The following TMEM178B variants were observed in gnomAD, a reference collection of about 807,000 sequenced individuals.
TMEM178B encodes transmembrane protein 178B.
A neutral mutation model predicts 31.0 loss-of-function variants in TMEM178B; 5 were observed. The ratio of observed to expected loss-of-function variants is 0.16; its 90% CI spans 0.08 to 0.34. The LOEUF is 0.34. TMEM178B is among the 10% of genes least tolerant of loss of function. The pLI is 1.00. For missense variants in TMEM178B, 275 were observed against 400.3 expected (o/e 0.69, Z 2.67); for synonymous variants, 164 against 164.0 (o/e 1.00, Z 0.00).
intron 1 of TMEM178B, among the ~76,000 whole-genome samples, chr7:141,109,699 A>G (rs1795204178): frequency 6.6e-6 from 1 of 152,204 alleles, no homozygotes; most frequent in African/African-American, 2.4e-5. Flanking sequence ...AGTAAGTCCC[A>G]TGGTGAAGGT....
At chr7:141,087,187 T>C (rs1794802660) in intron 1 of TMEM178B, among the ~76,000 whole-genome samples, 1 of 152,202 alleles carries the variant, frequency 6.6e-6, no homozygotes, top group African/African-American at 2.4e-5. Context: ...GGGCAGTCTG[T>C]GGTTGACTTT....
At chr7:141,341,027 G>T (rs1020954523) in intron 2 of TMEM178B, among the ~76,000 whole-genome samples, 2 of 152,192 alleles carry the variant, frequency 1.3e-5, no homozygotes, top group African/African-American at 4.8e-5. Flanking sequence ...AATATTGAGG[G>T]AGCTCAATGC....
At chr7:141,183,368 G>A (rs531260300) in intron 1 of TMEM178B, among the ~76,000 whole-genome samples, 1 of 152,222 alleles carries the variant, frequency 6.6e-6, no homozygotes, top group South Asian at 2.1e-4. Flanking sequence ...AAATTAATTT[G>A]GTAAGTGGCA....
intron 2 of TMEM178B, among the ~76,000 whole-genome samples, chr7:141,417,622 C>T (rs1288940019): frequency 6.6e-6 from 1 of 152,134 alleles, no homozygotes; most frequent in Non-Finnish European, 1.5e-5. Flanking sequence ...GGAAAGGTGC[C>T]TCTCACCTGT....
chr7:141,222,245 T>C (rs995993006), intron 2 of TMEM178B, among the ~76,000 whole-genome samples: 4 of 152,200 alleles, frequency 2.6e-5, no homozygotes, highest in Admixed American at 2.6e-4. Flanking sequence ...ATTTTTTGTT[T>C]TGTATTGTGT....
intron 2 of TMEM178B, among the ~76,000 whole-genome samples, chr7:141,301,462 A>T (rs1315989088): frequency 2.0e-5 from 3 of 150,510 alleles, no homozygotes; most frequent in Non-Finnish European, 3.0e-5. Flanking sequence ...ATATTTGTAA[A>T]TTTTTTTTTT....
intron 1 of TMEM178B, among the ~76,000 whole-genome samples, chr7:141,167,437 C>T (rs1366837751): frequency 2.6e-5 from 4 of 152,228 alleles, no homozygotes; most frequent in African/African-American, 7.2e-5. Context: ...GTGCGCGAAT[C>T]GTGTTGCCCT....
At chr7:141,083,559 A>G (rs1410961942) in intron 1 of TMEM178B, among the ~76,000 whole-genome samples, 1 of 152,084 alleles carries the variant, frequency 6.6e-6, no homozygotes, top group Non-Finnish European at 1.5e-5. Flanking sequence ...TTCTAAAGAG[A>G]TCATCCTGGG....
Position 141,457,701 on chromosome 7 carries a change from G to C in TMEM178B, c.635-12835G>C, listed in dbSNP as rs148931345. ...CAGAGAAGCCAGGGTCAGAACCTCTGTAGCACTTACAAAAGGTCCCCAACT... is the reference window on the plus strand; with the variant it reads ...CAGAGAAGCCAGGGTCAGAACCTCTCTAGCACTTACAAAAGGTCCCCAACT... On this transcript the variant is annotated intron_variant, in intron 3 of 3. Transcript: ENST00000565468. 5.5e-3 allele frequency among the ~76,000 whole-genome samples: 833 copies of C among 152,336 alleles called. 13 individuals carry two copies. The highest frequency in any genetic ancestry group is 0.019 in the African/African-American group (802 of 41,568).
chr7:141,437,858 T>C, intron 3 of TMEM178B, 113 bp downstream of exon 3: 1 of 1,378,518 alleles, frequency 7.3e-7, no homozygotes, highest in Non-Finnish European at 9.8e-7. Context: ...ACTGGGGTTC[T>C]CATTCACTCA....
chr7:141,148,462 G>A (rs943704605), intron 1 of TMEM178B, among the ~76,000 whole-genome samples: 1 of 152,290 alleles, frequency 6.6e-6, no homozygotes, highest in East Asian at 1.9e-4. Context: ...AAGTAGGCAG[G>A]GAAGTTATAG....
At chr7:141,162,061 C>T (rs1386794310) in intron 1 of TMEM178B, among the ~76,000 whole-genome samples, 1 of 152,172 alleles carries the variant, frequency 6.6e-6, no homozygotes, top group East Asian at 1.9e-4. Context: ...TTTCCAGATG[C>T]CCCACAGTCA....
At chr7:141,365,782 A>G (rs1799993856) in intron 2 of TMEM178B, among the ~76,000 whole-genome samples, 1 of 152,102 alleles carries the variant, frequency 6.6e-6, no homozygotes. Flanking sequence ...GGCCTACACA[A>G]CTCTAGTATG....
intron 1 of TMEM178B, among the ~76,000 whole-genome samples, chr7:141,211,476 T>C (rs1234686496): frequency 2.0e-5 from 3 of 152,192 alleles, no homozygotes; most frequent in African/African-American, 7.2e-5. Flanking sequence ...CACTTATAAA[T>C]TGAAAATCAG....
chr7:141,335,879 C>T (rs1286351376), intron 2 of TMEM178B, among the ~76,000 whole-genome samples: 1 of 152,004 alleles, frequency 6.6e-6, no homozygotes, highest in Admixed American at 6.6e-5. Flanking sequence ...CTAATTTTTC[C>T]CCAAGTGTCT....
chr7:141,210,087 A>G (rs1797030078), intron 1 of TMEM178B, among the ~76,000 whole-genome samples: 1 of 152,126 alleles, frequency 6.6e-6, no homozygotes, highest in South Asian at 2.1e-4. Context: ...CTCTGGTTAG[A>G]CAGTCCTGGG....
intron 2 of TMEM178B, among the ~76,000 whole-genome samples, chr7:141,399,195 C>T (rs1264505738): frequency 1.3e-5 from 2 of 152,240 alleles, no homozygotes; most frequent in Non-Finnish European, 2.9e-5. Context: ...CACATCCCCA[C>T]TCAGACCTTG....
At position 141,456,381 on chromosome 7, in the gene TMEM178B, T is replaced by C. The variant is rs1026346273; in HGVS notation, c.635-14155T>C. 2.4e-4 allele frequency among the ~76,000 whole-genome samples: 37 copies of C among 152,330 alleles called. 1 individual carries two copies. Among genetic ancestry groups the C allele is most frequent in the African/African-American group, 8.4e-4 (35 of 41,574 alleles). ...AAGGATGGGACCAGATTCTTGGTAG[T>C]GTACACTTTCCACAAAACCACACCC... On this transcript the variant is annotated intron_variant, in intron 3 of 3. Coordinates refer to ENST00000565468, the MANE Select transcript of TMEM178B (RefSeq NM_001195278.2).
intron 2 of TMEM178B, among the ~76,000 whole-genome samples, chr7:141,234,772 G>A (rs1158981544): frequency 6.6e-6 from 1 of 152,206 alleles, no homozygotes; most frequent in African/African-American, 2.4e-5. Flanking sequence ...GCCTTGATGA[G>A]AGAGCAGAGG....
Sources: allele counts gnomAD v4.1 joint callset (sites outside exome capture counted in the v4.1 genomes callset), GRCh38; gene constraint gnomAD v4.1.1; transcripts MANE v1.5; gene names NCBI Gene and HGNC (gene_info 2026-07-23, HGNC 2026-07-21).